Variants in TMEM225 observed in about 807,000 individuals in gnomAD.
TMEM225 encodes PMP22 claudin domain-containing protein.
Under a neutral mutation model 17.6 loss-of-function variants are expected in TMEM225, and 10 were observed. The ratio of observed to expected loss-of-function variants is 0.57; its 90% CI spans 0.35 to 0.96. The LOEUF is 0.96. Among genes scored for constraint, TMEM225 ranks in the 40% least tolerant of loss-of-function variants. TMEM225 has a pLI of 0.02. For missense variants in TMEM225, 245 were observed against 271.5 expected (o/e 0.90, Z 0.69); for synonymous variants, 101 against 94.5 (o/e 1.07, Z -0.40).
At chr11:123,884,714 T>C in intron 1 of TMEM225, 78 bp from the exon 2 acceptor site, 1 of 1,400,726 alleles carries the variant, frequency 7.1e-7, no homozygotes, top group East Asian at 2.4e-5. Context: ...CAGAAGTCTC[T>C]AGGTGAAAAT....
chr11:123,883,474 C>A, intron 3 of TMEM225, 122 bp from the exon 4 acceptor site: 1 of 678,940 alleles, frequency 1.5e-6, no homozygotes, highest in South Asian at 1.9e-5. Flanking sequence ...CTACCGAAAG[C>A]CATCTGGGAG....
intron 1 of TMEM225, 104 bp downstream of exon 1, chr11:123,885,141 A>G: frequency 1.9e-6 from 2 of 1,064,274 alleles, no homozygotes; most frequent in Non-Finnish European, 2.7e-6. Flanking sequence ...AAGCTGCACC[A>G]GAAAATAATG....
At chr11:123,883,409 A>G (rs999827026) in intron 3 of TMEM225, 57 bp from the exon 4 acceptor site, 20 of 1,344,434 alleles carry the variant, frequency 1.5e-5, no homozygotes, top group Non-Finnish European at 1.7e-5. Context: ...GTCAGAAACA[A>G]TTCTCTCCAA....
chr11:123,884,433 T>C (rs1863011113), intron 2 of TMEM225, 57 bp downstream of exon 2: 8 of 1,516,718 alleles, frequency 5.3e-6, no homozygotes, highest in South Asian at 1.3e-5. Context: ...GACTGCAGCC[T>C]GAACCCACCC....
At chr11:123,884,733 G>A in intron 1 of TMEM225, 97 bp from the exon 2 acceptor site, 1 of 1,188,464 alleles carries the variant, frequency 8.4e-7, no homozygotes, top group Non-Finnish European at 1.2e-6. Context: ...ATTGGAATAG[G>A]GTGAAAGATT....
chr11:123,885,649 C>A lies in TMEM225; in HGVS notation c.-224G>T, dbSNP rs1194969925. ...AGCCTGCTGTCAGGACTGCCAACTG[C>A]CATGGAATCATCTATTGGTTTGACC... On this transcript the variant is annotated 5_prime_UTR_variant, in exon 1 of 4. Coordinates refer to ENST00000375026, the MANE Select transcript of TMEM225 (RefSeq NM_001013743.3). The A allele has an allele frequency of 1.8e-6, 1 of 543,242 alleles. No homozygotes were observed. The highest frequency in any genetic ancestry group is 3.1e-5 in the East Asian group (1 of 32,608). The allele number at this position is 543,242 out of a possible 1,614,324, so 33.7% of individuals were successfully genotyped here. A position where few individuals can be genotyped will look rare whatever the true frequency, so the allele number is the denominator to read the frequency against.
Position 123,885,454 on chromosome 11 carries a change from C to T in TMEM225, c.-29G>A, listed in dbSNP as rs1259228571. 8 of 1,593,314 alleles carry T rather than the reference C, an allele frequency of 5.0e-6. No individual in the cohort carries two copies. Among genetic ancestry groups the T allele is most frequent in the Non-Finnish European group, 6.9e-6 (8 of 1,167,526 alleles). ...GAGTGAAAATTTCTAGCTGGAACCA[C>T]CACCACTATTTTGTAGATCTCTTCC... is the stretch of plus-strand genomic sequence containing the variant. On this transcript the variant is annotated 5_prime_UTR_variant, in exon 1 of 4. In the 5' UTR this introduces an upstream ATG that the reference lacks. Transcript: ENST00000375026.
intron 1 of TMEM225, 42 bp downstream of exon 1, chr11:123,885,203 C>T: frequency 1.3e-6 from 2 of 1,577,496 alleles, no homozygotes; most frequent in Non-Finnish European, 1.7e-6. Context: ...TAAGGACACA[C>T]CCTTCCTTTC....
chr11:123,883,704 C>T (rs1387218715), intron 3 of TMEM225, among the ~76,000 whole-genome samples: 2 of 152,124 alleles, frequency 1.3e-5, no homozygotes, highest in African/African-American at 4.8e-5. Flanking sequence ...TGCCCTCAAA[C>T]TGCCTTGACA....
At chr11:123,884,885 T>C (rs1223324155) in intron 1 of TMEM225, among the ~76,000 whole-genome samples, 2 of 152,204 alleles carry the variant, frequency 1.3e-5, no homozygotes, top group African/African-American at 4.8e-5. Context: ...TCTATTCTTG[T>C]TAAATACCGC....
chr11:123,883,307 G>C lies in TMEM225; in HGVS notation c.509C>G (p.Thr170Ser). 6.2e-7 allele frequency: 1 copy of C among 1,613,258 alleles called. No homozygotes were observed. The highest frequency in any genetic ancestry group is 8.5e-7 in the Non-Finnish European group (1 of 1,179,506). Residue 170 changes from threonine (T) to serine (S), a missense_variant, in exon 4 of 4, where the codon ACC becomes AGC. Coordinates refer to ENST00000375026, the MANE Select transcript of TMEM225 (RefSeq NM_001013743.3). ...GTCAGATTTATGGATGTTCAGGCAG[G>C]TACAGCTACTGGTAGACAACTTGCA... ...LECKLSTSSC[T>S]CLNIHKSDNE... is the part of the protein sequence containing the mutation.
chr11:123,885,340 G>A lies in TMEM225; in HGVS notation c.86C>T (p.Thr29Ile). Residue 29 changes from threonine (T) to isoleucine (I), a missense_variant, in exon 1 of 4, where the codon ACC becomes ATC. Thr to Ile is a moderately conservative substitution (Grantham distance 89). Coordinates refer to ENST00000375026, the MANE Select transcript of TMEM225 (RefSeq NM_001013743.3). ...AATCAATTCAACCCATTTATCTAAG[G>A]TGATTCCCATCACCATTAAGACTAC... ...WAVVLMVMGI[T>I]LDKWVELISE... 6.2e-7 allele frequency: 1 copy of A among 1,613,540 alleles called. No individual in the cohort carries two copies. Among genetic ancestry groups the A allele is most frequent in the Non-Finnish European group, 8.5e-7 (1 of 1,179,680 alleles).
rs1863003382 is a variant in TMEM225 at position 123,884,129 on chromosome 11, TC to T, written c.408del (p.Ile137SerfsTer10). The T allele has an allele frequency of 6.2e-7, 1 of 1,609,504 alleles. No individual in the cohort carries two copies. Among genetic ancestry groups the T allele is most frequent in the Non-Finnish European group, 8.5e-7 (1 of 1,179,064 alleles). ...TAAGCAGTATACATGATCCAGGTGA[TC>T]CTATAACTAGAGAAGTGCATGGATT... ...QGQSMHFSSY[R>X]ITWIMYTAYL... On this transcript the variant is annotated frameshift_variant, in exon 3 of 4. Transcript: ENST00000375026. LOFTEE classifies it high-confidence loss of function.
At chr11:123,885,182 G>A (rs777527689) in intron 1 of TMEM225, 63 bp downstream of exon 1, 47 of 1,488,820 alleles carry the variant, frequency 3.2e-5, no homozygotes, top group African/African-American at 4.2e-5. Context: ...GCAAGTTAAG[G>A]AAAGCCAAGT....
At position 123,884,111 on chromosome 11, in the gene TMEM225, T is replaced by C. The variant is rs1387333911; in HGVS notation, c.427A>G (p.Thr143Ala). ...AAGAAGAAAACATTTAAGTAAGCAG[T>C]ATACATGATCCAGGTGATCCTATAA... The part of the protein sequence containing the change: ...SSYRITWIMY[T>A]AYLNVFFLSV... The change falls in exon 3 of 4, where the codon ACT (threonine) becomes GCT (alanine). Residue 143 changes from threonine (T) to alanine (A), a missense_variant. Transcript: ENST00000375026. 6.2e-7 allele frequency: 1 copy of C among 1,609,738 alleles called. No individual in the cohort carries two copies. The highest frequency in any genetic ancestry group is 1.4e-5 in the African/African-American group (1 of 74,044).
chr11:123,885,151 G>T, intron 1 of TMEM225, 94 bp downstream of exon 1: 1 of 1,113,192 alleles, frequency 9.0e-7, no homozygotes, highest in South Asian at 1.5e-5. Flanking sequence ...AGAAAATAAT[G>T]GGTACACTGG....
chr11:123,884,549 T>C lies in TMEM225; in HGVS notation c.269A>G (p.Tyr90Cys), dbSNP rs771471261. The C allele has an allele frequency of 5.0e-6, 8 of 1,613,320 alleles. No homozygotes were observed. The highest frequency in any genetic ancestry group is 6.8e-6 in the Non-Finnish European group (8 of 1,179,572). Residue 90 changes from tyrosine (Y) to cysteine (C), a missense_variant, in exon 2 of 4, where the codon TAT becomes TGT. Transcript: ENST00000375026. ...LNLILGMKFT[Y>C]LIPQNKYIQL... ...TATATATTTATTTTGAGGAATCAGA[T>C]AGGTGAATTTCATACCCAGGATTAA...
chr11:123,883,402 A>C (rs1862991690), intron 3 of TMEM225, 50 bp from the exon 4 acceptor site: 1 of 1,396,786 alleles, frequency 7.2e-7, no homozygotes, highest in Non-Finnish European at 1.0e-6. Context: ...ATGGAGAGTC[A>C]GAAACAATTC....
chr11:123,883,381 A>C (rs184241612), intron 3 of TMEM225, 29 bp from the exon 4 acceptor site: 1 of 1,515,170 alleles, frequency 6.6e-7, no homozygotes, highest in Non-Finnish European at 9.2e-7. Flanking sequence ...AGGGAGTGGG[A>C]TGAAGGGACA....
Sources: gnomAD v4.1 joint callset for allele counts (sites outside exome capture counted in the v4.1 genomes callset) on GRCh38, gnomAD v4.1.1 for gene constraint, MANE v1.5 for transcripts, NCBI Gene and HGNC (gene_info 2026-07-23, HGNC 2026-07-21) for gene names.